The following RELT variants were observed in gnomAD, a reference collection of about 807,000 sequenced individuals.
The protein encoded by RELT is tumor necrosis factor receptor superfamily member 19L.
In RELT, 37 loss-of-function variants were observed where a neutral mutation model predicts 51.1. That is an observed-to-expected ratio of 0.72 (90% confidence interval 0.56 to 0.95). The LOEUF (loss-of-function observed/expected upper bound fraction) is 0.95, where lower values mean the gene tolerates loss of function less well. RELT is among the 40% of genes least tolerant of loss of function. The pLI is 0.00. For missense variants in RELT, 535 were observed against 572.6 expected, an observed-to-expected ratio of 0.93 and a Z score of 0.67; for synonymous variants, 241 against 235.7, an observed-to-expected ratio of 1.02 and a Z score of -0.21.
At chr11:73,380,733 C>A (rs1866038383) in intron 1 of RELT, among the ~76,000 whole-genome samples, 1 of 152,212 alleles carries the variant, frequency 6.6e-6, no homozygotes, top group Non-Finnish European at 1.5e-5. Context: ...TGTTATGGGG[C>A]CAGCCCTTCT....
chr11:73,394,941 G>A lies in RELT; in HGVS notation c.1047-146G>A. ...CTCACATGGAGCCCTTGCATCCCTA[G>A]GGCAGCATCTTGGCCCCCATGGCAC... is the stretch of plus-strand genomic sequence containing the variant. On this transcript the variant is annotated intron_variant, in intron 9 of 10. Transcript: ENST00000064780. The surrounding 1 kb of genome is among the most constrained non-coding windows in gnomAD (Gnocchi z 4.9). 1.1e-6 allele frequency: 1 copy of A among 908,296 alleles called. No individual in the cohort carries two copies. Among genetic ancestry groups the A allele is most frequent in the Non-Finnish European group, 1.7e-6 (1 of 597,666 alleles). 56.3% of individuals were successfully genotyped at this position (908,296 alleles called of 1,614,324 possible). A position where few individuals can be genotyped will look rare whatever the true frequency, so the allele number is the denominator to read the frequency against.
rs533085160 is a variant in RELT at position 73,390,074 on chromosome 11, A to C, written c.46-477A>C. On this transcript the variant is annotated intron_variant, in intron 2 of 10. Transcript: ENST00000064780. ...TGCAGAGGAGGATGTGGTCCTGGAGACTTTCGCTGAAGGGAGAGCCCAGAA... is the reference window on the plus strand; with the variant it reads ...TGCAGAGGAGGATGTGGTCCTGGAGCCTTTCGCTGAAGGGAGAGCCCAGAA... 2.0e-5 allele frequency among the ~76,000 whole-genome samples: 3 copies of C among 152,182 alleles called. No homozygotes were observed. In the South Asian group the frequency reaches 6.2e-4, roughly 32 times the overall value.
chr11:73,380,987 G>A (rs891292540), intron 1 of RELT, among the ~76,000 whole-genome samples: 25 of 152,164 alleles, frequency 1.6e-4, no homozygotes, highest in Admixed American at 8.5e-4. Flanking sequence ...CTGCCCATCC[G>A]TGGGATTATG....
At position 73,397,379 on chromosome 11, in the gene RELT, GGCAA is replaced by G. The variant is rs1163331068; in HGVS notation, c.*1891_*1894del. 6.6e-6 allele frequency: 1 copy of G among 152,264 alleles called. No individual in the cohort carries two copies. The highest frequency in any genetic ancestry group is 1.5e-5 in the Non-Finnish European group (1 of 68,056). 9.4% of individuals were successfully genotyped at this position (152,264 alleles called of 1,614,324 possible). A position where few individuals can be genotyped will look rare whatever the true frequency, so the allele number is the denominator to read the frequency against. On this transcript the variant is annotated 3_prime_UTR_variant, in exon 11 of 11. Coordinates refer to ENST00000064780, the MANE Select transcript of RELT (RefSeq NM_152222.2). Reference sequence around the variant, plus strand: ...GAGCGTCTCCATCTAAAATTCCTAGGGCAAGCTTCCAACCCGGCCCAAGGGCCGC... The same window carrying G: ...GAGCGTCTCCATCTAAAATTCCTAGGGCTTCCAACCCGGCCCAAGGGCCGC...
chr11:73,397,352 CAG>C lies in RELT; in HGVS notation c.*1864_*1865del, dbSNP rs1260829064. The C allele has an allele frequency of 6.6e-6, 1 of 152,284 alleles. No homozygotes were observed. The highest frequency in any genetic ancestry group is 1.5e-5 in the Non-Finnish European group (1 of 68,052). The allele number at this position is 152,284 out of a possible 1,614,324, so 9.4% of individuals were successfully genotyped here. On this transcript the variant is annotated 3_prime_UTR_variant, in exon 11 of 11. Transcript: ENST00000064780. ...GGAGCGGGTGCTACACCCGGCAAGA[CAG>C]AGCGTCTCCATCTAAAATTCCTAGG...
chr11:73,377,614 A>AC (rs953493646), intron 1 of RELT, among the ~76,000 whole-genome samples: 6 of 151,722 alleles, frequency 4.0e-5, no homozygotes, highest in Non-Finnish European at 8.8e-5. Flanking sequence ...AAGTCCCTAC[A>AC]CCTGGCAAAG....
At position 73,390,789 on chromosome 11, in the gene RELT, C is replaced by G; in HGVS notation, c.155C>G (p.Pro52Arg). 1 of 1,610,786 alleles carries G rather than the reference C, an allele frequency of 6.2e-7. No individual in the cohort carries two copies. Among genetic ancestry groups the G allele is most frequent in the Non-Finnish European group, 8.5e-7 (1 of 1,178,916 alleles). Residue 52 changes from proline to arginine, a missense_variant, in exon 4 of 11, where the codon CCC becomes CGC. Pro to Arg is a moderately radical substitution (Grantham distance 103). Transcript: ENST00000064780. ...CAGGGCACATTATGCAGGCCCTGCC[C>G]CCCAGGCACCTTCTCAGCTGCATGG... ...PGQGTLCRPCPPGTFSAAWGS... is the reference protein window; with the variant it reads ...PGQGTLCRPCRPGTFSAAWGS...
intron 1 of RELT, among the ~76,000 whole-genome samples, chr11:73,381,313 A>G (rs2134439069): frequency 6.6e-6 from 1 of 151,820 alleles, no homozygotes; most frequent in African/African-American, 2.4e-5. Flanking sequence ...TAGAGAGAGG[A>G]GTGGGGGCTT....
At chr11:73,393,967 C>T in intron 7 of RELT, 50 bp downstream of exon 7, 1 of 1,559,724 alleles carries the variant, frequency 6.4e-7, no homozygotes, top group Non-Finnish European at 8.8e-7. Context: ...GGAGGGTTTC[C>T]TCCAGGAGCC....
In RELT at chr11:73,394,968, C is replaced by A; in HGVS notation, c.1047-119C>A. ...GCAGCATCTTGGCCCCCATGGCACC[C>A]GGGCCTCTCAGGCTAAGGCTCTGGT... On this transcript the variant is annotated intron_variant, in intron 9 of 10. Transcript: ENST00000064780. The surrounding 1 kb of genome is among the most constrained non-coding windows in gnomAD (Gnocchi z 4.9). 1 of 1,001,396 alleles carries A rather than the reference C, an allele frequency of 1.0e-6. No individual in the cohort carries two copies. Among genetic ancestry groups the A allele is most frequent in the East Asian group, 2.5e-5 (1 of 40,186 alleles). 62.0% of individuals were successfully genotyped at this position (1,001,396 alleles called of 1,614,324 possible).
chr11:73,390,462 G>T (rs1270322637), intron 2 of RELT, 89 bp from the exon 3 acceptor site: 3 of 1,229,536 alleles, frequency 2.4e-6, no homozygotes, highest in East Asian at 2.3e-5. Flanking sequence ...CCTACCACTG[G>T]GGTTTCAGGA....
rs2134450735 is a variant in RELT, at chr11:73,390,822, G to A, written c.188G>A (p.Ser63Asn). 1.2e-6 allele frequency: 2 copies of A among 1,612,362 alleles called. No homozygotes were observed. Among genetic ancestry groups the A allele is most frequent in the Non-Finnish European group, 1.7e-6 (2 of 1,179,656 alleles). Residue 63 changes from serine to asparagine, a missense_variant, in exon 4 of 11, where the codon AGC becomes AAC. By Grantham distance (46) the Ser-to-Asn change is conservative. Transcript: ENST00000064780. ...ACCTTCTCAGCTGCATGGGGCTCCA[G>A]CCCATGCCAGCCCCATGCCCGTTGC... is the stretch of plus-strand genomic sequence containing the variant. ...PGTFSAAWGS[S>N]PCQPHARCSL...
Position 73,395,158 on chromosome 11 carries a change from C to T in RELT, c.1118C>T (p.Ala373Val), listed in dbSNP as rs781759144. The change falls in exon 10 of 11, where the codon GCT (alanine) becomes GTT (valine). Residue 373 changes from alanine to valine, a missense_variant. By Grantham distance (64) the Ala-to-Val change is moderately conservative. Coordinates refer to ENST00000064780, the MANE Select transcript of RELT (RefSeq NM_152222.2). ...TCTGAGGTGAAGACCATCACGGAGG[C>T]TGGGCCCTCGTGGGGTGATCTCCCT... ...MVSEVKTITE[A>V]GPSWGDLPDS... The T allele has an allele frequency of 6.2e-7, 1 of 1,613,538 alleles. No homozygotes were observed. The highest frequency in any genetic ancestry group is 1.1e-5 in the South Asian group (1 of 91,080).
At position 73,393,843 on chromosome 11, in the gene RELT, A is replaced by C; in HGVS notation, c.632A>C (p.Asn211Thr). ...PGPGGGGSGINPAYRTEDANE... is the reference protein window; with the variant it reads ...PGPGGGGSGITPAYRTEDANE... ...GGGCCCTTCTCTTCCCCAGGAATCA[A>C]CCCTGCCTACCGGACTGAGGATGCC... Residue 211 changes from asparagine to threonine, a missense_variant, in exon 7 of 11, where the codon AAC becomes ACC. Coordinates refer to ENST00000064780, the MANE Select transcript of RELT (RefSeq NM_152222.2). 1 of 1,613,874 alleles carries C rather than the reference A, an allele frequency of 6.2e-7. No homozygotes were observed. The highest frequency in any genetic ancestry group is 1.3e-5 in the African/African-American group (1 of 74,968).
chr11:73,390,958 G>A (rs1866204227), intron 4 of RELT, 37 bp downstream of exon 4: 3 of 1,600,904 alleles, frequency 1.9e-6, no homozygotes, highest in African/African-American at 1.4e-5. Context: ...CTCCTGGCTG[G>A]GTGACCAGGA....
Position 73,394,331 on chromosome 11 carries a change from TGG to T in RELT, c.788+16_788+17del, listed in dbSNP as rs1866270714. 6.2e-7 allele frequency: 1 copy of T among 1,612,732 alleles called. No individual in the cohort carries two copies. The highest frequency in any genetic ancestry group is 8.5e-7 in the Non-Finnish European group (1 of 1,179,722). ...GCCTGTGTCCAAGTGAGTGGGCTGG[TGG>T]GAGATAACGGGGCCAAAACCTACAT... On this transcript the variant is annotated intron_variant, in intron 8 of 10. Coordinates refer to ENST00000064780, the MANE Select transcript of RELT (RefSeq NM_152222.2). The surrounding 1 kb of genome is among the most constrained non-coding windows in gnomAD (Gnocchi z 4.9).
At chr11:73,390,211 C>T (rs1866187995) in intron 2 of RELT, among the ~76,000 whole-genome samples, 1 of 152,088 alleles carries the variant, frequency 6.6e-6, no homozygotes, top group South Asian at 2.1e-4. Flanking sequence ...GAAGTGGGGG[C>T]AGAATACGAG....
chr11:73,394,833 C>A lies in RELT; in HGVS notation c.1046+99C>A. ...CCCAGCTTGGGCCCTGAGCACCCTG[C>A]TCAATGGGAGCCCTGCCCTTATTGG... is the stretch of plus-strand genomic sequence containing the variant. On this transcript the variant is annotated intron_variant, in intron 9 of 10. Transcript: ENST00000064780. The surrounding 1 kb of genome is among the most constrained non-coding windows in gnomAD (Gnocchi z 4.9). 1 of 1,407,888 alleles carries A rather than the reference C, an allele frequency of 7.1e-7. No individual in the cohort carries two copies. The highest frequency in any genetic ancestry group is 9.6e-7 in the Non-Finnish European group (1 of 1,039,600). 87.2% of individuals were successfully genotyped at this position (1,407,888 alleles called of 1,614,324 possible). A position where few individuals can be genotyped will look rare whatever the true frequency, so the allele number is the denominator to read the frequency against.
At chr11:73,391,079 AGCCTCTC>A in intron 4 of RELT, 58 bp from the exon 5 acceptor site, 24 of 1,557,566 alleles carry the variant, frequency 1.5e-5, no homozygotes, top group Non-Finnish European at 2.1e-5. Context: ...GAAGGAATCC[AGCCTCTC>A]CTAAGGATAG....
Sources: gnomAD v4.1 joint callset for allele counts (sites outside exome capture counted in the v4.1 genomes callset) on GRCh38, gnomAD v4.1.1 for gene constraint, Gnocchi (gnomAD v3.1) non-coding constraint, MANE v1.5 for transcripts, NCBI Gene and HGNC (gene_info 2026-07-23, HGNC 2026-07-21) for gene names.